Variants in ENPP2 observed in about 807,000 individuals in gnomAD.
ENPP2 encodes autotaxin.
ENPP2 carries 51 observed loss-of-function variants against 120.2 expected under a neutral mutation model. That is an observed-to-expected ratio of 0.42 (90% CI 0.34 to 0.54). The LOEUF (loss-of-function observed/expected upper bound fraction) is 0.54, where lower values mean the gene tolerates loss of function less well. Ranked by LOEUF, ENPP2 falls within the 20% of genes least tolerant of loss-of-function variation. The pLI is 0.04. For missense variants in ENPP2, 920 were observed against 1,066.5 expected (o/e 0.86, Z 1.91); for synonymous variants, 365 against 366.4 (o/e 1.00, Z 0.04).
At chr8:119,651,670 T>A (rs1817631069) in intron 1 of ENPP2, among the ~76,000 whole-genome samples, 1 of 152,260 alleles carries the variant, frequency 6.6e-6, no homozygotes, top group South Asian at 2.1e-4. Flanking sequence ...CAGAAGATAA[T>A]AGGAGCCACA....
At chr8:119,609,313 C>A (rs779624612) in intron 8 of ENPP2, among the ~76,000 whole-genome samples, 1 of 152,090 alleles carries the variant, frequency 6.6e-6, no homozygotes, top group Non-Finnish European at 1.5e-5. Context: ...GGCAGGAGAA[C>A]GTACAGAGCA....
chr8:119,657,176 C>T (rs969012059), intron 1 of ENPP2, among the ~76,000 whole-genome samples: 67 of 152,242 alleles, frequency 4.4e-4, no homozygotes, highest in South Asian at 1.2e-3. Flanking sequence ...CCACCCTCCT[C>T]GGCCTCCCAA....
intron 3 of ENPP2, among the ~76,000 whole-genome samples, chr8:119,624,079 G>GGTGAT (rs1816104692): frequency 6.6e-6 from 1 of 152,058 alleles, no homozygotes; most frequent in Non-Finnish European, 1.5e-5. Context: ...TTCAATTCAA[G>GGTGAT]GTGATTCTAT....
intron 1 of ENPP2, among the ~76,000 whole-genome samples, chr8:119,659,887 G>T (rs1418819059): frequency 6.6e-6 from 1 of 152,192 alleles, no homozygotes; most frequent in African/African-American, 2.4e-5. Flanking sequence ...ACTGGGAATG[G>T]ATATTGGGAC....
chr8:119,557,439 C>T lies in ENPP2; in HGVS notation c.*82G>A, dbSNP rs1813551665. 3.5e-6 allele frequency: 4 copies of T among 1,146,106 alleles called. No homozygotes were observed. Among genetic ancestry groups the T allele is most frequent in the Middle Eastern group, 6.0e-4 (2 of 3,314 alleles). The allele number at this position is 1,146,106 out of a possible 1,614,324, so 71.0% of individuals were successfully genotyped here. ...ATTAAAATACTAACATTTTTAATGT[C>T]CTGGTTTCAAATTAATAAATACAAA... On this transcript the variant is annotated 3_prime_UTR_variant, in exon 25 of 25. Coordinates refer to ENST00000075322, the MANE Select transcript of ENPP2 (RefSeq NM_001040092.3).
intron 1 of ENPP2, among the ~76,000 whole-genome samples, chr8:119,655,044 CAGAGAG>C (rs986923027): frequency 2.0e-5 from 3 of 152,110 alleles, no homozygotes; most frequent in African/African-American, 7.2e-5. Flanking sequence ...CTGAAGGAAA[CAGAGAG>C]AGAAAGAAAA....
Position 119,607,983 on chromosome 8 carries a change from G to T in ENPP2, c.778-6C>A. 1 of 1,601,406 alleles carries T rather than the reference G, an allele frequency of 6.2e-7. No individual in the cohort carries two copies. On this transcript the variant is annotated splice_polypyrimidine_tract_variant and splice_region_variant and intron_variant, in intron 8 of 24. Transcript: ENST00000075322. ...TTGGTGGCTGTAATCCATAGCTAAT[G>T]AGGAAAATATAAGCGGCTTAAAATG... is the stretch of plus-strand genomic sequence containing the variant.
chr8:119,613,480 T>C (rs918303469), intron 8 of ENPP2, among the ~76,000 whole-genome samples: 2 of 152,218 alleles, frequency 1.3e-5, no homozygotes, highest in Non-Finnish European at 2.9e-5. Context: ...TGGCTAAATG[T>C]CTTGCATGGT....
chr8:119,598,840 T>C (rs762759173), intron 11 of ENPP2, among the ~76,000 whole-genome samples: 10 of 152,186 alleles, frequency 6.6e-5, no homozygotes, highest in Non-Finnish European at 1.2e-4. Flanking sequence ...AGTTCTGTAG[T>C]GCTATCTTCA....
intron 1 of ENPP2, among the ~76,000 whole-genome samples, chr8:119,671,132 CAAAA>C (rs371191607): frequency 6.1e-5 from 7 of 115,204 alleles, no homozygotes; most frequent in South Asian, 3.2e-4. Context: ...ACTAAAAATA[CAAAA>C]AAAAAAAAAA....
At chr8:119,580,255 G>A (rs1812640834) in intron 18 of ENPP2, 88 bp from the exon 19 acceptor site, 2 of 1,013,324 alleles carry the variant, frequency 2.0e-6, no homozygotes, top group Non-Finnish European at 3.1e-6. Flanking sequence ...TTAGCACCCT[G>A]CTAAATTCAA....
intron 17 of ENPP2, 120 bp downstream of exon 17, chr8:119,583,597 T>G (rs1812900087): frequency 3.2e-6 from 2 of 619,148 alleles, no homozygotes; most frequent in South Asian, 2.2e-5. Flanking sequence ...TACAACCTTT[T>G]GTGGGGAAGA....
chr8:119,647,747 G>A (rs906126162), intron 1 of ENPP2, among the ~76,000 whole-genome samples: 1 of 152,184 alleles, frequency 6.6e-6, no homozygotes, highest in African/African-American at 2.4e-5. Context: ...GCTCACACCT[G>A]TAATCCTAGC....
chr8:119,665,971 C>T (rs1046769415), intron 1 of ENPP2, among the ~76,000 whole-genome samples: 13 of 152,070 alleles, frequency 8.5e-5, no homozygotes, highest in African/African-American at 2.9e-4. Context: ...GTTTGCCAAA[C>T]AAATCATGAG....
chr8:119,640,450 T>C (rs1416832332), upstream of ENPP2, among the ~76,000 whole-genome samples: 1 of 152,208 alleles, frequency 6.6e-6, no homozygotes, highest in Admixed American at 6.5e-5. Flanking sequence ...TTTCATTATA[T>C]GCCACAGTGC....
intron 4 of ENPP2, among the ~76,000 whole-genome samples, chr8:119,620,747 T>G (rs7842699): frequency 6.6e-6 from 1 of 152,182 alleles, no homozygotes; most frequent in Non-Finnish European, 1.5e-5. Context: ...CATCATATTC[T>G]ACAATCAACC....
upstream of ENPP2, among the ~76,000 whole-genome samples, chr8:119,642,262 T>C (rs1191028471): frequency 6.6e-6 from 1 of 152,208 alleles, no homozygotes; most frequent in African/African-American, 2.4e-5. Context: ...TAAATCACTC[T>C]AGTAAATTTT....
chr8:119,653,201 G>C (rs1217514754), intron 1 of ENPP2, among the ~76,000 whole-genome samples: 1 of 152,186 alleles, frequency 6.6e-6, no homozygotes, highest in African/African-American at 2.4e-5. Flanking sequence ...AGGATGAGGA[G>C]AGGTCCTTAT....
Position 119,607,903 on chromosome 8 carries a change from C to A in ENPP2, c.833+19G>T. Reference sequence around the variant, plus strand: ...ATAGCTGTCATTTTATAAACATTGACAAAATAAAGGTAACTTACACAGACC... The same window carrying A: ...ATAGCTGTCATTTTATAAACATTGAAAAAATAAAGGTAACTTACACAGACC... On this transcript the variant is annotated intron_variant, in intron 9 of 24. Coordinates refer to ENST00000075322, the MANE Select transcript of ENPP2 (RefSeq NM_001040092.3). 2 of 1,524,182 alleles carry A rather than the reference C, an allele frequency of 1.3e-6. No individual in the cohort carries two copies. The highest frequency in any genetic ancestry group is 2.4e-5 in the South Asian group (2 of 83,056). The allele number at this position is 1,524,182 out of a possible 1,614,324, so 94.4% of individuals were successfully genotyped here. A position where few individuals can be genotyped will look rare whatever the true frequency, so the allele number is the denominator to read the frequency against.
Sources: gnomAD v4.1 joint callset for allele counts (sites outside exome capture counted in the v4.1 genomes callset) on GRCh38, gnomAD v4.1.1 for gene constraint, MANE v1.5 for transcripts, NCBI Gene and HGNC (gene_info 2026-07-23, HGNC 2026-07-21) for gene names.